Variants in AGAP1 observed in about 807,000 individuals in gnomAD.
The protein encoded by AGAP1 is arf-GAP with GTPase, ANK repeat and PH domain-containing protein 1.
In AGAP1, 29 loss-of-function variants were observed where a neutral mutation model predicts 105.3. The ratio of observed to expected loss-of-function variants is 0.28; its 90% CI spans 0.21 to 0.38. AGAP1 has a LOEUF of 0.38. Ranked by LOEUF, AGAP1 falls within the 10% of genes least tolerant of loss-of-function variation. AGAP1 has a pLI of 1.00. For synonymous variants in AGAP1, 509 were observed against 485.9 expected, an observed-to-expected ratio of 1.05 and a Z score of -0.63; for missense variants, 998 against 1,165.1, an observed-to-expected ratio of 0.86 and a Z score of 2.09.
intron 9 of AGAP1, among the ~76,000 whole-genome samples, chr2:235,873,733 T>C (rs1417583389): frequency 6.6e-6 from 1 of 152,226 alleles, no homozygotes; most frequent in Non-Finnish European, 1.5e-5. Context: ...AACCACATTT[T>C]CGTTTTGTTT....
At chr2:235,781,687 C>T (rs1348639177) in intron 6 of AGAP1, among the ~76,000 whole-genome samples, 2 of 152,174 alleles carry the variant, frequency 1.3e-5, no homozygotes, top group African/African-American at 4.8e-5. Flanking sequence ...TATCCAGTGC[C>T]TCTCTTTTCT....
At position 235,788,310 on chromosome 2, in the gene AGAP1, G is replaced by T. The variant is rs1956771374; in HGVS notation, c.674-9449G>T. The stretch of plus-strand genomic sequence containing the variant: ...CTCCTAATCCCTAAGGATAGGAAAA[G>T]ACCTAGAAGATTTGAGGATTTTAAT... On this transcript the variant is annotated intron_variant, in intron 6 of 17. Coordinates refer to ENST00000304032, the MANE Select transcript of AGAP1 (RefSeq NM_001037131.3). The surrounding 1 kb of genome is among the most constrained non-coding windows in gnomAD (Gnocchi z 6.0). Among the ~76,000 whole-genome samples, 1 of 152,194 alleles carries T rather than the reference G, an allele frequency of 6.6e-6. No individual in the cohort carries two copies. Among genetic ancestry groups the T allele is most frequent in the Non-Finnish European group, 1.5e-5 (1 of 68,036 alleles).
Position 236,113,589 on chromosome 2 carries a change from G to C in AGAP1, c.2115-6603G>C, listed in dbSNP as rs1237441776. On this transcript the variant is annotated intron_variant, in intron 16 of 17. Transcript: ENST00000304032. The surrounding 1 kb of genome is among the most constrained non-coding windows in gnomAD (Gnocchi z 4.3). ...CTGAGTCATGCAGTGGATTTGGCAT[G>C]GCAGGCACTAAGTATGCGGGTAGCA... 3.3e-5 allele frequency among the ~76,000 whole-genome samples: 5 copies of C among 152,332 alleles called. No homozygotes were observed. The East Asian group carries it at 9.6e-4, about 29-fold the overall frequency.
chr2:236,083,225 T>TGTTGTCA lies in AGAP1; in HGVS notation c.2114+33947_2114+33953dup, dbSNP rs2058834836. Among the ~76,000 whole-genome samples the TGTTGTCA allele has an allele frequency of 6.6e-6, 1 of 152,126 alleles. No homozygotes were observed. The highest frequency in any genetic ancestry group is 2.1e-4 in the South Asian group (1 of 4,824). ...CTCATGAACTTGCCAAAGAAAGGGC[T>TGTTGTCA]GTTGTCAGTCGCCGAGGCTTCGGTC... On this transcript the variant is annotated intron_variant, in intron 16 of 17. Coordinates refer to ENST00000304032, the MANE Select transcript of AGAP1 (RefSeq NM_001037131.3). This position sits in a 1 kb window ranked among gnomAD's most constrained non-coding sequence, Gnocchi z 5.3.
At chr2:235,838,817 A>G (rs1054919562) in intron 9 of AGAP1, among the ~76,000 whole-genome samples, 1 of 152,184 alleles carries the variant, frequency 6.6e-6, no homozygotes, top group Admixed American at 6.5e-5. Flanking sequence ...GTGAACAGAA[A>G]GCCTCTCTCT....
At position 235,853,065 on chromosome 2, in the gene AGAP1, A is replaced by C. The variant is rs190623392; in HGVS notation, c.1051-30280A>C. ...ATTTCTATAGCGGGCAATTCAGTCC[A>C]CAAAGGAAGGAAATCAATGAGCGTT... On this transcript the variant is annotated intron_variant, in intron 9 of 17. Coordinates refer to ENST00000304032, the MANE Select transcript of AGAP1 (RefSeq NM_001037131.3). The C allele has an allele frequency of 3.0e-4, 375 of 1,236,500 alleles. No individual in the cohort carries two copies. The African/African-American group carries it at 5.4e-3, about 18-fold the overall frequency. 76.6% of individuals were successfully genotyped at this position (1,236,500 alleles called of 1,614,324 possible).
At chr2:236,111,334 A>T (rs901671368) in intron 16 of AGAP1, among the ~76,000 whole-genome samples, 10 of 151,566 alleles carry the variant, frequency 6.6e-5, no homozygotes, top group African/African-American at 2.4e-4. Flanking sequence ...CCTGGACAAT[A>T]TGGCAAGACC....
At chr2:235,946,165 A>G (rs1306487206) in intron 12 of AGAP1, among the ~76,000 whole-genome samples, 2 of 152,130 alleles carry the variant, frequency 1.3e-5, no homozygotes, top group Non-Finnish European at 2.9e-5. Flanking sequence ...TTTGGTTTCT[A>G]AAAAACTCAG....
At chr2:235,795,877 CCT>C (rs1377298675) in intron 6 of AGAP1, among the ~76,000 whole-genome samples, 25 of 152,180 alleles carry the variant, frequency 1.6e-4, no homozygotes, top group African/African-American at 6.0e-4. Context: ...ACTGACTCTT[CCT>C]AGACTCCATA....
rs761463364 is a variant in AGAP1, at chr2:235,845,177, T to C, written c.1050+37846T>C. Among the ~76,000 whole-genome samples, 32 of 152,074 alleles carry C rather than the reference T, an allele frequency of 2.1e-4. No individual in the cohort carries two copies. Among genetic ancestry groups the C allele is most frequent in the Admixed American group, 1.5e-3 (23 of 15,276 alleles). On this transcript the variant is annotated intron_variant, in intron 9 of 17. Transcript: ENST00000304032. The surrounding 1 kb of genome is among the most constrained non-coding windows in gnomAD (Gnocchi z 4.8). ...GAAGCTTAGTCCCAAGAGCCACACATGTCAAGGAAATCTGGGAGCAGCAGC... is the reference window on the plus strand; with the variant it reads ...GAAGCTTAGTCCCAAGAGCCACACACGTCAAGGAAATCTGGGAGCAGCAGC...
Position 235,772,234 on chromosome 2 carries a change from C to T in AGAP1, c.673+21746C>T, listed in dbSNP as rs573028514. ...TCTCGAATCCTGACCTCAGGTGATC[C>T]GCCTGCGTCAGCCTCCCAAAGTGCT... On this transcript the variant is annotated intron_variant, in intron 6 of 17. Coordinates refer to ENST00000304032, the MANE Select transcript of AGAP1 (RefSeq NM_001037131.3). 3.0e-4 allele frequency among the ~76,000 whole-genome samples: 45 copies of T among 152,142 alleles called. 2 individuals are homozygous for T. The South Asian group carries it at 9.4e-3, about 32-fold the overall frequency.
intron 1 of AGAP1, among the ~76,000 whole-genome samples, chr2:235,522,748 G>A (rs1942670450): frequency 6.6e-6 from 1 of 152,196 alleles, no homozygotes; most frequent in Non-Finnish European, 1.5e-5. Context: ...GGATGTCTTG[G>A]CCTTTGTGCC....
In AGAP1 at chr2:235,919,550, G is replaced by A. The variant is rs1025333675; in HGVS notation, c.1324+10644G>A. 1.7e-4 allele frequency among the ~76,000 whole-genome samples: 26 copies of A among 152,138 alleles called. No individual in the cohort carries two copies. The highest frequency in any genetic ancestry group is 6.0e-4 in the African/African-American group (25 of 41,420). ...CTGGATTCAGTTGTGAGATCATTTT[G>A]TAAGAACTGGAAAGCAGAGAAAGAA... On this transcript the variant is annotated intron_variant, in intron 11 of 17. Transcript: ENST00000304032. This position sits in a 1 kb window ranked among gnomAD's most constrained non-coding sequence, Gnocchi z 4.1.
In AGAP1 at chr2:235,620,809, T is replaced by C. The variant is rs1946454307; in HGVS notation, c.164-88370T>C. Among the ~76,000 whole-genome samples the C allele has an allele frequency of 6.6e-6, 1 of 152,226 alleles. No homozygotes were observed. The highest frequency in any genetic ancestry group is 1.5e-5 in the Non-Finnish European group (1 of 68,048). On this transcript the variant is annotated intron_variant, in intron 1 of 17. Transcript: ENST00000304032. This position sits in a 1 kb window ranked among gnomAD's most constrained non-coding sequence, Gnocchi z 4.5. Reference sequence around the variant, plus strand: ...TTAGGCATGCAGGTGAACAAGTGAATGAGTGATCCTGAGTTTGCTCTGGTT... The same window carrying C: ...TTAGGCATGCAGGTGAACAAGTGAACGAGTGATCCTGAGTTTGCTCTGGTT...
At chr2:235,710,411 C>A (rs2138497) in intron 2 of AGAP1, among the ~76,000 whole-genome samples, 3 of 152,046 alleles carry the variant, frequency 2.0e-5, no homozygotes, top group Non-Finnish European at 2.9e-5. Flanking sequence ...GTCACTGTGC[C>A]GTCTCTCTCA....
At chr2:235,717,499 G>C (rs1211642331) in intron 2 of AGAP1, 58 bp from the exon 3 acceptor site, 3 of 1,470,674 alleles carry the variant, frequency 2.0e-6, no homozygotes, top group Non-Finnish European at 2.8e-6. Flanking sequence ...CTTAGTATTT[G>C]CAAAATGCCA....
In AGAP1 at chr2:235,936,016, G is replaced by A. The variant is rs972334271; in HGVS notation, c.1483+5093G>A. The stretch of plus-strand genomic sequence containing the variant: ...GGCTCCTGCCTGGGCCAGCCTCGTC[G>A]GGTGGTCTCAGCTAATGCTGTTGCC... On this transcript the variant is annotated intron_variant, in intron 12 of 17. Transcript: ENST00000304032. The surrounding 1 kb of genome is among the most constrained non-coding windows in gnomAD (Gnocchi z 4.7). Among the ~76,000 whole-genome samples the A allele has an allele frequency of 3.3e-5, 5 of 152,130 alleles. No individual in the cohort carries two copies. Among genetic ancestry groups the A allele is most frequent in the African/African-American group, 9.7e-5 (4 of 41,426 alleles).
chr2:235,770,414 C>T (rs987356266), intron 6 of AGAP1, among the ~76,000 whole-genome samples: 9 of 152,090 alleles, frequency 5.9e-5, no homozygotes, highest in African/African-American at 2.2e-4. Context: ...GGATTACAGG[C>T]GTGAGCCACC....
In AGAP1 at chr2:236,078,246, T is replaced by C. The variant is rs2058695999; in HGVS notation, c.2114+28965T>C. 6.6e-6 allele frequency among the ~76,000 whole-genome samples: 1 copy of C among 152,092 alleles called. No individual in the cohort carries two copies. Among genetic ancestry groups the C allele is most frequent in the African/African-American group, 2.4e-5 (1 of 41,408 alleles). ...GCGTTCTGGAAACTCGGGCAGAAGTTAATGCTGCATGCTTGATGTAGGATT... is the reference window on the plus strand; with the variant it reads ...GCGTTCTGGAAACTCGGGCAGAAGTCAATGCTGCATGCTTGATGTAGGATT... On this transcript the variant is annotated intron_variant, in intron 16 of 17. Coordinates refer to ENST00000304032, the MANE Select transcript of AGAP1 (RefSeq NM_001037131.3). The surrounding 1 kb of genome is among the most constrained non-coding windows in gnomAD (Gnocchi z 5.3).
Sources: gnomAD v4.1 joint callset for allele counts (sites outside exome capture counted in the v4.1 genomes callset) on GRCh38, gnomAD v4.1.1 for gene constraint, Gnocchi (gnomAD v3.1) non-coding constraint, MANE v1.5 for transcripts, NCBI Gene and HGNC (gene_info 2026-07-23, HGNC 2026-07-21) for gene names.